The following RNGTT variants were observed in gnomAD, a reference collection of about 807,000 sequenced individuals.
RNGTT encodes RNA guanylyltransferase and 5'-phosphatase.
A neutral mutation model predicts 79.3 loss-of-function variants in RNGTT; 33 were observed. The ratio of observed to expected loss-of-function variants is 0.42; its 90% confidence interval spans 0.32 to 0.56. The LOEUF is 0.56. Among genes scored for constraint, RNGTT ranks in the 20% least tolerant of loss-of-function variants. RNGTT has a pLI of 0.17. For missense variants in RNGTT, 497 were observed against 739.1 expected (o/e 0.67, Z 3.80); for synonymous variants, 222 against 235.9 (o/e 0.94, Z 0.54).
intron 13 of RNGTT, among the ~76,000 whole-genome samples, chr6:88,687,648 T>C (rs896948047): frequency 3.9e-5 from 6 of 152,252 alleles, no homozygotes; most frequent in East Asian, 3.9e-4. Flanking sequence ...CCAGGATATA[T>C]TTACTGTGTT....
intron 6 of RNGTT, among the ~76,000 whole-genome samples, chr6:88,895,861 GC>G (rs58680259): frequency 0.041 from 6,238 of 152,180 alleles, 187 homozygotes; most frequent in African/African-American, 0.076. Context: ...TGTACTCACT[GC>G]TTTAAAGCCC....
intron 8 of RNGTT, among the ~76,000 whole-genome samples, chr6:88,875,742 A>G (rs1164262774): frequency 6.6e-6 from 1 of 152,248 alleles, no homozygotes; most frequent in Admixed American, 6.5e-5. Flanking sequence ...ATTACTTGTT[A>G]TAACTGTTGC....
At chr6:88,855,115 GAA>G (rs756679950) in intron 8 of RNGTT, among the ~76,000 whole-genome samples, 4 of 152,166 alleles carry the variant, frequency 2.6e-5, no homozygotes, top group African/African-American at 4.8e-5. Context: ...CAACGAAAAT[GAA>G]AGAGAACACT....
Position 88,745,327 on chromosome 6 carries a change from G to A in RNGTT, c.1439+24447C>T, listed in dbSNP as rs528627821. Among the ~76,000 whole-genome samples the A allele has an allele frequency of 1.4e-4, 21 of 152,270 alleles. No homozygotes were observed. The South Asian group carries it at 3.1e-3, about 23-fold the overall frequency. ...AAGTGCGTAACCTCAATCTAATTAT[G>A]AGAAAGTACCAGACAAAGCCAAATC... is the stretch of plus-strand genomic sequence containing the variant. On this transcript the variant is annotated intron_variant, in intron 13 of 15. Transcript: ENST00000369485.
At chr6:88,771,523 T>C (rs988069654) in intron 12 of RNGTT, among the ~76,000 whole-genome samples, 1 of 151,868 alleles carries the variant, frequency 6.6e-6, no homozygotes, top group African/African-American at 2.4e-5. Flanking sequence ...TTTTAGCTAA[T>C]GTAGCATTTA....
At chr6:88,672,926 T>C (rs1774712011) in intron 14 of RNGTT, among the ~76,000 whole-genome samples, 1 of 152,178 alleles carries the variant, frequency 6.6e-6, no homozygotes, top group Admixed American at 6.5e-5. Flanking sequence ...TGCTCCATTT[T>C]ATATATTTAA....
intron 13 of RNGTT, among the ~76,000 whole-genome samples, chr6:88,700,423 T>C (rs1775907328): frequency 6.6e-6 from 1 of 152,166 alleles, no homozygotes; most frequent in African/African-American, 2.4e-5. Flanking sequence ...ATCTCCTCCT[T>C]GCTAAAGCTG....
intron 13 of RNGTT, among the ~76,000 whole-genome samples, chr6:88,762,177 CA>C (rs1562239359): frequency 6.6e-6 from 1 of 152,082 alleles, no homozygotes; most frequent in Non-Finnish European, 1.5e-5. Flanking sequence ...GGTATGTCCA[CA>C]AATACAACCT....
chr6:88,841,426 G>A (rs1781284106), intron 11 of RNGTT, among the ~76,000 whole-genome samples: 1 of 152,192 alleles, frequency 6.6e-6, no homozygotes, highest in Non-Finnish European at 1.5e-5. Flanking sequence ...GTAGGAGCAG[G>A]TGAAGAGTTT....
chr6:88,683,345 A>G (rs896010180), intron 13 of RNGTT, among the ~76,000 whole-genome samples: 32 of 152,172 alleles, frequency 2.1e-4, no homozygotes, highest in African/African-American at 7.7e-4. Flanking sequence ...ACAAGTTTCA[A>G]AAGTCAGAAT....
chr6:88,886,141 T>C (rs1562302304), intron 8 of RNGTT, among the ~76,000 whole-genome samples: 1 of 152,056 alleles, frequency 6.6e-6, no homozygotes, highest in African/African-American at 2.4e-5. Flanking sequence ...CCGTCTCTAC[T>C]AAAAATACAA....
intron 1 of RNGTT, among the ~76,000 whole-genome samples, chr6:88,961,440 CTT>C (rs1269934487): frequency 8.3e-5 from 12 of 144,654 alleles, no homozygotes; most frequent in Admixed American, 1.4e-4. Context: ...GTACAAATTA[CTT>C]TTTTTTTTTT....
intron 15 of RNGTT, among the ~76,000 whole-genome samples, chr6:88,613,695 C>T (rs187869557): frequency 6.6e-6 from 1 of 152,318 alleles, no homozygotes; most frequent in East Asian, 1.9e-4. Context: ...ACAACAACTG[C>T]TACTGGTAGT....
chr6:88,673,677 C>T (rs570067423), intron 14 of RNGTT, among the ~76,000 whole-genome samples: 254 of 152,236 alleles, frequency 1.7e-3, no homozygotes, highest in African/African-American at 5.8e-3. Flanking sequence ...AAAAGATTGA[C>T]TTTTGTCACC....
chr6:88,685,781 G>A (rs1775255403), intron 13 of RNGTT, among the ~76,000 whole-genome samples: 1 of 151,928 alleles, frequency 6.6e-6, no homozygotes, highest in Non-Finnish European at 1.5e-5. Context: ...AGGAAGAGAA[G>A]CTAACTTTTT....
intron 14 of RNGTT, among the ~76,000 whole-genome samples, chr6:88,652,263 C>A (rs1475606047): frequency 1.3e-5 from 2 of 152,110 alleles, no homozygotes; most frequent in Non-Finnish European, 2.9e-5. Context: ...TTCAATGTTA[C>A]AAATTTACAA....
At chr6:88,888,199 A>G (rs1341150025) in intron 8 of RNGTT, among the ~76,000 whole-genome samples, 2 of 152,152 alleles carry the variant, frequency 1.3e-5, no homozygotes, top group South Asian at 2.1e-4. Context: ...GGTTAAATGT[A>G]TGCCTCAATC....
At chr6:88,813,857 G>A (rs1780223201) in intron 11 of RNGTT, among the ~76,000 whole-genome samples, 1 of 152,070 alleles carries the variant, frequency 6.6e-6, no homozygotes, top group South Asian at 2.1e-4. Context: ...CTACTAAATT[G>A]ATATGTATGC....
At position 88,620,679 on chromosome 6, in the gene RNGTT, G is replaced by A. The variant is rs150278899; in HGVS notation, c.1507-6284C>T. ...ACAAAAAGTCTTGGAATAATGCTCT[G>A]AGTCCACAGCTTGCAAACTGCAATG... On this transcript the variant is annotated intron_variant, in intron 14 of 15. Coordinates refer to ENST00000369485, the MANE Select transcript of RNGTT (RefSeq NM_003800.5). Among the ~76,000 whole-genome samples, 202 of 152,246 alleles carry A rather than the reference G, an allele frequency of 1.3e-3. 1 individual carries two copies. Among genetic ancestry groups the A allele is most frequent in the African/African-American group, 4.7e-3 (195 of 41,542 alleles).
Sources: gnomAD v4.1 joint callset for allele counts (sites outside exome capture counted in the v4.1 genomes callset) on GRCh38, gnomAD v4.1.1 for gene constraint, MANE v1.5 for transcripts, NCBI Gene and HGNC (gene_info 2026-07-23, HGNC 2026-07-21) for gene names.